ADAM18: variants seen among roughly 807,000 people sequenced by gnomAD.
The protein encoded by ADAM18 is disintegrin and metalloproteinase domain-containing protein 18.
A neutral mutation model predicts 94.4 loss-of-function variants in ADAM18; 117 were observed. The observed-to-expected ratio is 1.24, with a 90% CI of 1.07 to 1.45. ADAM18 has a LOEUF of 1.45. ADAM18 is among the 40% of genes most tolerant of loss of function. ADAM18 has a pLI of 0.00. For missense variants in ADAM18, 936 were observed against 880.0 expected (o/e 1.06, Z -0.81); for synonymous variants, 327 against 291.6 (o/e 1.12, Z -1.24).
At chr8:39,694,016 A>G (rs909491693) in intron 17 of ADAM18, among the ~76,000 whole-genome samples, 4 of 151,200 alleles carry the variant, frequency 2.6e-5, no homozygotes, top group Non-Finnish European at 5.9e-5. Context: ...TTTATTAATG[A>G]TATACTTTTC....
chr8:39,620,588 T>C (rs1819586978), intron 6 of ADAM18, among the ~76,000 whole-genome samples: 1 of 147,050 alleles, frequency 6.8e-6, no homozygotes, highest in South Asian at 2.1e-4. Flanking sequence ...ATGTAATATA[T>C]AATATATATA....
At chr8:39,696,311 ATTTTTCCAT>A (rs748869974) in intron 17 of ADAM18, among the ~76,000 whole-genome samples, 47,658 of 150,560 alleles carry the variant, frequency 0.32, 8,321 homozygotes, top group East Asian at 0.75. Context: ...GTGATTTGCT[ATTTTTCCAT>A]TCTAAATGTT....
chr8:39,651,919 A>C (rs1307346096), intron 12 of ADAM18, among the ~76,000 whole-genome samples: 4 of 147,460 alleles, frequency 2.7e-5, no homozygotes, highest in Non-Finnish European at 6.1e-5. Context: ...CAATGAAACA[A>C]AGAGCCCAAA....
At chr8:39,635,751 G>A (rs533752818) in intron 7 of ADAM18, among the ~76,000 whole-genome samples, 3 of 152,114 alleles carry the variant, frequency 2.0e-5, no homozygotes, top group Admixed American at 1.3e-4. Flanking sequence ...TGGAGAATAC[G>A]TGCCAGTTAT....
At chr8:39,726,590 G>T (rs915554395) in intron 19 of ADAM18, among the ~76,000 whole-genome samples, 1 of 152,062 alleles carries the variant, frequency 6.6e-6, no homozygotes, top group African/African-American at 2.4e-5. Context: ...TCTATCGCAT[G>T]TGCTTTTGGT....
At chr8:39,636,741 A>G (rs922231912) in intron 7 of ADAM18, among the ~76,000 whole-genome samples, 1 of 151,814 alleles carries the variant, frequency 6.6e-6, no homozygotes, top group Non-Finnish European at 1.5e-5. Flanking sequence ...CTTATTCTAC[A>G]TAACCCAAAC....
At chr8:39,592,127 C>T (rs1459535738) in intron 2 of ADAM18, among the ~76,000 whole-genome samples, 2 of 152,168 alleles carry the variant, frequency 1.3e-5, no homozygotes, top group African/African-American at 4.8e-5. Flanking sequence ...GGCATAAGTA[C>T]ATTTAGCATA....
intron 2 of ADAM18, among the ~76,000 whole-genome samples, chr8:39,593,851 A>G (rs542933395): frequency 1.3e-5 from 2 of 152,292 alleles, no homozygotes; most frequent in Non-Finnish European, 1.5e-5. Context: ...ATTTATGTTT[A>G]CATGATAAGT....
intron 16 of ADAM18, among the ~76,000 whole-genome samples, chr8:39,686,050 G>A (rs1821598759): frequency 6.6e-6 from 1 of 152,102 alleles, no homozygotes; most frequent in Admixed American, 6.6e-5. Context: ...GAAAACTGAG[G>A]TTTTCTCTAA....
intron 17 of ADAM18, among the ~76,000 whole-genome samples, chr8:39,702,499 T>A (rs1211161115): frequency 6.6e-6 from 1 of 152,182 alleles, no homozygotes; most frequent in East Asian, 1.9e-4. Context: ...AATATCCCAT[T>A]TGTCAATTTT....
chr8:39,637,525 T>C lies in ADAM18; in HGVS notation c.661-12T>C. The C allele has an allele frequency of 6.3e-7, 1 of 1,589,832 alleles. No homozygotes were observed. The highest frequency in any genetic ancestry group is 1.7e-4 in the Middle Eastern group (1 of 5,936). The stretch of plus-strand genomic sequence containing the variant: ...TGTTTCTTTAAAAATGTACAATACA[T>C]CTTATTTTTAGATGTTTACCCAGTT... On this transcript the variant is annotated splice_polypyrimidine_tract_variant and intron_variant, in intron 8 of 19. Coordinates refer to ENST00000265707, the MANE Select transcript of ADAM18 (RefSeq NM_014237.3).
chr8:39,615,592 A>T (rs540931875), intron 6 of ADAM18, among the ~76,000 whole-genome samples: 1 of 152,320 alleles, frequency 6.6e-6, no homozygotes, highest in East Asian at 1.9e-4. Flanking sequence ...TCTATGACAA[A>T]CCCACAGTAA....
In ADAM18 at chr8:39,584,601, G is replaced by T; in HGVS notation, c.-22G>T. On this transcript the variant is annotated 5_prime_UTR_variant, in exon 1 of 20. Transcript: ENST00000265707. ...TCAACGGTCTCTGTCCTTGGCTGTG[G>T]CTCCTGCGCTCTGGCTGAGCCATGT... 7 of 1,611,640 alleles carry T rather than the reference G, an allele frequency of 4.3e-6. No individual in the cohort carries two copies. The highest frequency in any genetic ancestry group is 5.9e-6 in the Non-Finnish European group (7 of 1,179,988).
intron 18 of ADAM18, 83 bp from the exon 19 acceptor site, chr8:39,723,665 A>G (rs574501012): frequency 1.1e-5 from 11 of 1,002,872 alleles, no homozygotes; most frequent in Non-Finnish European, 1.5e-5. Context: ...TTATATATAC[A>G]CGTATATGAT....
chr8:39,691,247 T>C (rs1821768640), intron 16 of ADAM18, among the ~76,000 whole-genome samples: 1 of 152,170 alleles, frequency 6.6e-6, no homozygotes, highest in Non-Finnish European at 1.5e-5. Flanking sequence ...TGTAATTCAC[T>C]GCACGTATAC....
intron 14 of ADAM18, among the ~76,000 whole-genome samples, chr8:39,676,379 G>A (rs185545648): frequency 3.7e-4 from 57 of 152,330 alleles, no homozygotes; most frequent in African/African-American, 1.4e-3. Context: ...CAGCCAGGCT[G>A]CCACCTTGCA....
In ADAM18 at chr8:39,667,740, C is replaced by A. The variant is rs543214636; in HGVS notation, c.1327-258C>A. On this transcript the variant is annotated intron_variant, in intron 13 of 19. Transcript: ENST00000265707. Reference sequence around the variant, plus strand: ...TAATGCTGTTTGAGTCAGCTTATTTCAAAATGTAGAGCACAAAGGAGGTGA... The same window carrying A: ...TAATGCTGTTTGAGTCAGCTTATTTAAAAATGTAGAGCACAAAGGAGGTGA... Among the ~76,000 whole-genome samples the A allele has an allele frequency of 2.0e-5, 3 of 152,228 alleles. No homozygotes were observed. The South Asian group carries it at 6.2e-4, about 32-fold the overall frequency.
intron 13 of ADAM18, 46 bp from the exon 14 acceptor site, chr8:39,667,952 A>G (rs1821035974): frequency 1.3e-6 from 2 of 1,560,218 alleles, no homozygotes; most frequent in Non-Finnish European, 1.8e-6. Flanking sequence ...AGCAATTGAG[A>G]AAAATGATTT....
chr8:39,647,177 TTA>T (rs1454892522), intron 11 of ADAM18, among the ~76,000 whole-genome samples: 2 of 150,256 alleles, frequency 1.3e-5, no homozygotes, highest in Non-Finnish European at 2.9e-5. Context: ...ATTATTTTCA[TTA>T]TCTCAGCAAG....
Sources: allele counts gnomAD v4.1 joint callset (sites outside exome capture counted in the v4.1 genomes callset), GRCh38; gene constraint gnomAD v4.1.1; transcripts MANE v1.5; gene names NCBI Gene and HGNC (gene_info 2026-07-23, HGNC 2026-07-21).